Variants in GPR75 observed in about 807,000 individuals in gnomAD.
GPR75 encodes the protein G protein-coupled receptor 75, also known as probable G protein-coupled receptor 75.
GPR75 carries 27 observed loss-of-function variants against 26.0 expected under a neutral mutation model. The observed-to-expected ratio is 1.04, with a 90% confidence interval of 0.77 to 1.43. The LOEUF (loss-of-function observed/expected upper bound fraction) is 1.43, where lower values mean the gene tolerates loss of function less well. Ranked by LOEUF, GPR75 falls within the 40% of genes most tolerant of loss-of-function variation. The pLI is 0.00. For synonymous variants in GPR75, 285 were observed against 256.3 expected, an observed-to-expected ratio of 1.11 and a Z score of -1.07; for missense variants, 699 against 662.3, an observed-to-expected ratio of 1.06 and a Z score of -0.61.
intron 1 of GPR75, among the ~76,000 whole-genome samples, chr2:53,855,544 T>A (rs1308435281): frequency 6.6e-6 from 1 of 152,020 alleles, no homozygotes; most frequent in Non-Finnish European, 1.5e-5. Context: ...GGGGGGAACC[T>A]ACTCCAACAT....
In GPR75 at chr2:53,853,325, G is replaced by A. The variant is rs528571520; in HGVS notation, c.1432C>T (p.Arg478Trp). 1.2e-5 allele frequency: 20 copies of A among 1,614,142 alleles called. No homozygotes were observed. The highest frequency in any genetic ancestry group is 1.1e-4 in the East Asian group (5 of 44,892). Residue 478 changes from arginine (R) to tryptophan (W), a missense_variant, in exon 2 of 2, where the codon CGG becomes TGG. By Grantham distance (101) the Arg-to-Trp change is moderately radical (BLOSUM62 -3). Transcript: ENST00000394705. ...GQSSSTPINT[R>W]IEPYYSIYNS... The stretch of plus-strand genomic sequence containing the variant: ...TAGATGCTGTAGTAAGGTTCAATCC[G>A]AGTGTTGATGGGGGTCGAGCTGCTC...
In GPR75 at chr2:53,853,372, G is replaced by T; in HGVS notation, c.1385C>A (p.Ala462Asp). ...GCTCTGACCACAGTGTTGATGTCCA[G>T]CAGAGATCTTGGGACTCACCATACT... ...KESMVSPKISAGHQHCGQSSS... is the reference protein window; with the variant it reads ...KESMVSPKISDGHQHCGQSSS... The change falls in exon 2 of 2, where the codon GCT (alanine) becomes GAT (aspartate). Residue 462 changes from alanine (A) to aspartate (D), a missense_variant. Transcript: ENST00000394705. The T allele has an allele frequency of 6.2e-7, 1 of 1,614,010 alleles. No individual in the cohort carries two copies. Among genetic ancestry groups the T allele is most frequent in the Non-Finnish European group, 8.5e-7 (1 of 1,179,900 alleles).
chr2:53,859,503 C>T (rs1177493243), intron 1 of GPR75, among the ~76,000 whole-genome samples: 1 of 151,886 alleles, frequency 6.6e-6, no homozygotes, highest in East Asian at 1.9e-4. Flanking sequence ...AGGGGCTTCC[C>T]GGAGAAGGGT....
In GPR75 at chr2:53,859,847, C is replaced by T. The variant is rs1375917166; in HGVS notation, c.-129G>A. On this transcript the variant is annotated 5_prime_UTR_variant, in exon 1 of 2. Coordinates refer to ENST00000394705, the MANE Select transcript of GPR75 (RefSeq NM_006794.4). Reference sequence around the variant, plus strand: ...TCTCACCTGCCGGGTGGCCGCAGCGCCGCCCCTCCTCCATCTCGCAGTCCG... The same window carrying T: ...TCTCACCTGCCGGGTGGCCGCAGCGTCGCCCCTCCTCCATCTCGCAGTCCG... The T allele has an allele frequency of 3.9e-6, 6 of 1,533,032 alleles. No individual in the cohort carries two copies. The highest frequency in any genetic ancestry group is 1.2e-5 in the South Asian group (1 of 83,328). The allele number at this position is 1,533,032 out of a possible 1,614,324, so 95.0% of individuals were successfully genotyped here.
In GPR75 at chr2:53,853,330, T is replaced by C. The variant is rs779522761; in HGVS notation, c.1427A>G (p.Asn476Ser). The C allele has an allele frequency of 8.7e-6, 14 of 1,614,042 alleles. No individual in the cohort carries two copies. Among genetic ancestry groups the C allele is most frequent in the Middle Eastern group, 1.6e-4 (1 of 6,082 alleles). ...HCGQSSSTPI[N>S]TRIEPYYSIY... ...GCTGTAGTAAGGTTCAATCCGAGTG[T>C]TGATGGGGGTCGAGCTGCTCTGACC... is the stretch of plus-strand genomic sequence containing the variant. Residue 476 changes from asparagine (N) to serine (S), a missense_variant, in exon 2 of 2, where the codon AAC becomes AGC. Asn to Ser is a conservative substitution (Grantham distance 46, BLOSUM62 1). Coordinates refer to ENST00000394705, the MANE Select transcript of GPR75 (RefSeq NM_006794.4).
intron 1 of GPR75, 105 bp downstream of exon 1, chr2:53,859,723 C>T (rs1490482163): frequency 7.5e-6 from 6 of 796,600 alleles, no homozygotes; most frequent in South Asian, 5.6e-5. Context: ...TACGCGGAGC[C>T]GGGCCTGGCC....
At chr2:53,859,742 C>A in intron 1 of GPR75, 86 bp downstream of exon 1, 2 of 1,047,696 alleles carry the variant, frequency 1.9e-6, no homozygotes, top group Non-Finnish European at 2.7e-6. Context: ...CCCAGCGCAG[C>A]CGCGCTCCTC....
Position 53,853,815 on chromosome 2 carries a change from G to A in GPR75, c.942C>T (p.Ala314=). ...AGGTGACCACGGCTTTGGAATCCTT[G>A]GCAGTGGAGAGGTTGATGGCTGATA... ...QLVSAINLST[A]KDSKAVVTCV... Residue 314 remains alanine, a synonymous_variant, in exon 2 of 2, where the codon GCC becomes GCT. Transcript: ENST00000394705. 1 of 1,614,154 alleles carries A rather than the reference G, an allele frequency of 6.2e-7. No homozygotes were observed. The highest frequency in any genetic ancestry group is 8.5e-7 in the Non-Finnish European group (1 of 1,180,002).
chr2:53,853,324 C>A lies in GPR75; in HGVS notation c.1433G>T (p.Arg478Leu), dbSNP rs370450392. Residue 478 changes from arginine to leucine, a missense_variant, in exon 2 of 2, where the codon CGG becomes CTG. By Grantham distance (102) the Arg-to-Leu change is moderately radical. Transcript: ENST00000394705. The part of the protein sequence containing the change: ...GQSSSTPINT[R>L]IEPYYSIYNS... ...ATAGATGCTGTAGTAAGGTTCAATC[C>A]GAGTGTTGATGGGGGTCGAGCTGCT... The A allele has an allele frequency of 1.2e-6, 2 of 1,614,104 alleles. No individual in the cohort carries two copies. Among genetic ancestry groups the A allele is most frequent in the Admixed American group, 3.3e-5 (2 of 60,008 alleles).
Position 53,854,572 on chromosome 2 carries a change from A to C in GPR75, c.185T>G (p.Ile62Ser). The C allele has an allele frequency of 6.2e-7, 1 of 1,614,096 alleles. No homozygotes were observed. Residue 62 changes from isoleucine (I) to serine (S), a missense_variant, in exon 2 of 2, where the codon ATT becomes AGT. Physicochemically the swap from Ile to Ser is moderately radical, Grantham distance 142. Transcript: ENST00000394705. ...TGGATCGAAGAAGGACAAGAAGACA[A>C]TGAAGTTGCCATAGGAACCCAGGCA... is the stretch of plus-strand genomic sequence containing the variant. ...IFCLGSYGNF[I>S]VFLSFFDPAF...
In GPR75 at chr2:53,854,810, G is replaced by A. The variant is rs1400968943; in HGVS notation, c.-54C>T. On this transcript the variant is annotated 5_prime_UTR_variant, in exon 2 of 2. Transcript: ENST00000394705. ...CTCCCCAAAAATACTCAGTGAGTCA[G>A]GGCCTCAGCTCACAGATGAGCAATA... 1 of 1,412,094 alleles carries A rather than the reference G, an allele frequency of 7.1e-7. No individual in the cohort carries two copies. The highest frequency in any genetic ancestry group is 9.8e-7 in the Non-Finnish European group (1 of 1,015,660). The allele number at this position is 1,412,094 out of a possible 1,614,324, so 87.5% of individuals were successfully genotyped here. A position where few individuals can be genotyped will look rare whatever the true frequency, so the allele number is the denominator to read the frequency against.
At position 53,859,928 on chromosome 2, in the gene GPR75, T is replaced by TCGCCAC. The variant is rs1401931624; in HGVS notation, c.-216_-211dup. The TCGCCAC allele has an allele frequency of 2.0e-6, 3 of 1,502,906 alleles. No individual in the cohort carries two copies. The African/African-American group carries it at 4.3e-5, about 22-fold the overall frequency. 93.1% of individuals were successfully genotyped at this position (1,502,906 alleles called of 1,614,324 possible). ...TGCAGGACTAGAGGCATCATCGCCA[T>TCGCCAC]CGCCACCGCCTCCGCGCATCCCGGG... is the stretch of plus-strand genomic sequence containing the variant. On this transcript the variant is annotated 5_prime_UTR_variant, in exon 1 of 2. Transcript: ENST00000394705.
intron 1 of GPR75, among the ~76,000 whole-genome samples, chr2:53,859,534 C>T (rs1678319598): frequency 6.7e-6 from 1 of 149,930 alleles, no homozygotes; most frequent in Admixed American, 6.6e-5. Flanking sequence ...TAAGGAGGGC[C>T]TAGGCCGGGC....
intron 1 of GPR75, among the ~76,000 whole-genome samples, chr2:53,859,598 G>A (rs1215761295): frequency 1.3e-5 from 2 of 150,688 alleles, no homozygotes; most frequent in African/African-American, 4.9e-5. Flanking sequence ...GGAGGGCTCA[G>A]CCAGGGTAGG....
At chr2:53,856,680 A>C (rs1030216653) in intron 1 of GPR75, among the ~76,000 whole-genome samples, 3 of 152,202 alleles carry the variant, frequency 2.0e-5, no homozygotes, top group Admixed American at 6.5e-5. Context: ...TGGTGTCCTT[A>C]ATCAAGGAAA....
chr2:53,858,120 T>C (rs1350807323), intron 1 of GPR75, among the ~76,000 whole-genome samples: 2 of 152,140 alleles, frequency 1.3e-5, no homozygotes, highest in Non-Finnish European at 2.9e-5. Context: ...TGGTGGAACA[T>C]GGATTTGAAT....
chr2:53,858,056 T>C (rs935563221), intron 1 of GPR75, among the ~76,000 whole-genome samples: 2 of 152,174 alleles, frequency 1.3e-5, no homozygotes, highest in Non-Finnish European at 2.9e-5. Context: ...ATACTTGATA[T>C]AACATCTCCA....
chr2:53,854,044 C>A lies in GPR75; in HGVS notation c.713G>T (p.Cys238Phe). The change falls in exon 2 of 2, where the codon TGC (cysteine) becomes TTC (phenylalanine). Residue 238 changes from cysteine (C) to phenylalanine (F), a missense_variant. Transcript: ENST00000394705. ...AGCATCGACTGTGATTACAGGGGGGCACTTTCTGACTTGAGCGTTCTTCCG... is the reference window on the plus strand; with the variant it reads ...AGCATCGACTGTGATTACAGGGGGGAACTTTCTGACTTGAGCGTTCTTCCG... ...TLRKNAQVRKCPPVITVDASR... is the reference protein window; with the variant it reads ...TLRKNAQVRKFPPVITVDASR... 6.2e-7 allele frequency: 1 copy of A among 1,614,216 alleles called. No individual in the cohort carries two copies. The highest frequency in any genetic ancestry group is 8.5e-7 in the Non-Finnish European group (1 of 1,180,036).
Position 53,854,493 on chromosome 2 carries a change from G to T in GPR75, c.264C>A (p.Phe88Leu). The change falls in exon 2 of 2, where the codon TTC (phenylalanine) becomes TTA (leucine). Residue 88 changes from phenylalanine to leucine, a missense_variant. Phe to Leu is a conservative substitution (Grantham distance 22). Coordinates refer to ENST00000394705, the MANE Select transcript of GPR75 (RefSeq NM_006794.4). The part of the protein sequence containing the change: ...NFDFMILNLS[F>L]CDLFICGVTA... ...TCACTCCACAAATGAAGAGGTCACA[G>T]AAGGACAGGTTCAGGATCATGAAAT... 1 of 1,614,166 alleles carries T rather than the reference G, an allele frequency of 6.2e-7. No homozygotes were observed. The highest frequency in any genetic ancestry group is 8.5e-7 in the Non-Finnish European group (1 of 1,180,012).
Sources: allele counts gnomAD v4.1 joint callset (sites outside exome capture counted in the v4.1 genomes callset), GRCh38; gene constraint gnomAD v4.1.1; transcripts MANE v1.5; gene names NCBI Gene and HGNC (gene_info 2026-07-23, HGNC 2026-07-21).